Variants in JAZF1 observed in about 807,000 individuals in gnomAD.
JAZF1 encodes the protein JAZF zinc finger 1.
JAZF1 carries 8 observed loss-of-function variants against 26.4 expected under a neutral mutation model. The ratio of observed to expected loss-of-function variants is 0.30; its 90% CI spans 0.18 to 0.55. The LOEUF (loss-of-function observed/expected upper bound fraction) is 0.55, where lower values mean the gene tolerates loss of function less well. Among genes scored for constraint, JAZF1 ranks in the 20% least tolerant of loss-of-function variants. The probability of loss-of-function intolerance (pLI) is 0.94; values close to 1 mark genes in which losing one functional copy is unlikely to be tolerated. For missense variants in JAZF1, 199 were observed against 322.0 expected (o/e 0.62, Z 2.92); for synonymous variants, 126 against 122.3 (o/e 1.03, Z -0.20).
At chr7:27,924,753 T>C (rs1256527453) in intron 2 of JAZF1, among the ~76,000 whole-genome samples, 1 of 152,238 alleles carries the variant, frequency 6.6e-6, no homozygotes, top group Non-Finnish European at 1.5e-5. Context: ...AAAACTTTCT[T>C]CTCATTTTTA....
At chr7:27,980,207 C>T (rs987175087) in intron 2 of JAZF1, among the ~76,000 whole-genome samples, 1 of 152,128 alleles carries the variant, frequency 6.6e-6, no homozygotes, top group African/African-American at 2.4e-5. Flanking sequence ...ACCCAATGCC[C>T]CACTGTGTAC....
chr7:27,864,375 G>GA (rs1258096678), intron 3 of JAZF1, among the ~76,000 whole-genome samples: 1 of 152,116 alleles, frequency 6.6e-6, no homozygotes, highest in African/African-American at 2.4e-5. Flanking sequence ...CACACCCTAG[G>GA]AAAAATCAGT....
At chr7:28,139,623 T>G (rs1246263492) in intron 1 of JAZF1, among the ~76,000 whole-genome samples, 3 of 152,214 alleles carry the variant, frequency 2.0e-5, no homozygotes, top group Non-Finnish European at 4.4e-5. Flanking sequence ...AACACCTTGA[T>G]GCCAACAATT....
At chr7:27,964,865 T>C (rs576302731) in intron 2 of JAZF1, among the ~76,000 whole-genome samples, 1 of 152,206 alleles carries the variant, frequency 6.6e-6, no homozygotes, top group African/African-American at 2.4e-5. Flanking sequence ...ATAAAAGTCA[T>C]TTTAAAAAGA....
At chr7:27,884,134 A>T (rs1352224500) in intron 3 of JAZF1, among the ~76,000 whole-genome samples, 2 of 152,158 alleles carry the variant, frequency 1.3e-5, no homozygotes, top group Non-Finnish European at 2.9e-5. Flanking sequence ...CACACACTGA[A>T]ATGCACAAAT....
chr7:28,090,817 GTTTT>G (rs11367530), intron 1 of JAZF1, among the ~76,000 whole-genome samples: 3 of 101,804 alleles, frequency 2.9e-5, no homozygotes, highest in South Asian at 3.5e-4. Flanking sequence ...TTTTTTAGTT[GTTTT>G]TTTTTTTTTT....
At chr7:27,979,809 G>A (rs1785546041) in intron 2 of JAZF1, among the ~76,000 whole-genome samples, 1 of 151,940 alleles carries the variant, frequency 6.6e-6, no homozygotes, top group African/African-American at 2.4e-5. Flanking sequence ...CTTTCCTATC[G>A]ATTGGAGATG....
chr7:28,163,378 C>T lies in JAZF1; in HGVS notation c.115+17085G>A, dbSNP rs190819699. Among the ~76,000 whole-genome samples the T allele has an allele frequency of 1.7e-3, 260 of 152,236 alleles. 1 individual carries two copies. The highest frequency in any genetic ancestry group is 5.9e-3 in the African/African-American group (244 of 41,532). On this transcript the variant is annotated intron_variant, in intron 1 of 4. Transcript: ENST00000283928. ...TGTCCTTTTCCATCCTCCATGACATCGACTTGGAACTGGGGAAGAGAAGGG... is the reference window on the plus strand; with the variant it reads ...TGTCCTTTTCCATCCTCCATGACATTGACTTGGAACTGGGGAAGAGAAGGG...
At chr7:27,890,672 G>A (rs957138430) in intron 3 of JAZF1, among the ~76,000 whole-genome samples, 2 of 151,640 alleles carry the variant, frequency 1.3e-5, no homozygotes, top group African/African-American at 4.8e-5. Flanking sequence ...TGAGGCTGGT[G>A]TTAAGATTAA....
chr7:27,921,774 G>C (rs578152618), intron 2 of JAZF1, among the ~76,000 whole-genome samples: 1 of 152,200 alleles, frequency 6.6e-6, no homozygotes, highest in African/African-American at 2.4e-5. Flanking sequence ...GCTCAAGCCT[G>C]CAATCCCAGT....
intron 4 of JAZF1, among the ~76,000 whole-genome samples, chr7:27,834,532 A>G (rs1487034766): frequency 6.6e-6 from 1 of 152,192 alleles, no homozygotes; most frequent in African/African-American, 2.4e-5. Flanking sequence ...TCCAGCATCA[A>G]TCCTTTCAAA....
chr7:27,846,678 G>C, intron 3 of JAZF1: 1 of 337,446 alleles, frequency 3.0e-6, no homozygotes, highest in Non-Finnish European at 6.2e-6. Flanking sequence ...CTAGCTCATG[G>C]TGGTTTTGAT....
At chr7:28,100,643 A>G (rs573192090) in intron 1 of JAZF1, among the ~76,000 whole-genome samples, 41 of 152,342 alleles carry the variant, frequency 2.7e-4, no homozygotes, top group Non-Finnish European at 4.9e-4. Context: ...TTAACCCATC[A>G]CAGAAGTGCC....
chr7:28,132,557 G>C (rs543021673), intron 1 of JAZF1, among the ~76,000 whole-genome samples: 1 of 152,264 alleles, frequency 6.6e-6, no homozygotes, highest in East Asian at 1.9e-4. Context: ...GGCAATTGGA[G>C]CTACACATAA....
At chr7:28,137,623 T>C (rs1237119260) in intron 1 of JAZF1, among the ~76,000 whole-genome samples, 1 of 152,174 alleles carries the variant, frequency 6.6e-6, no homozygotes, top group East Asian at 1.9e-4. Context: ...TTCCTCTACG[T>C]ATCCCTGGGA....
At chr7:28,110,821 T>C (rs1784650067) in intron 1 of JAZF1, among the ~76,000 whole-genome samples, 1 of 152,204 alleles carries the variant, frequency 6.6e-6, no homozygotes. Flanking sequence ...CAGGGTAGCA[T>C]GATATCTCAG....
rs540313768 is a variant in JAZF1 at position 28,129,697 on chromosome 7, T to C, written c.115+50766A>G. 4.4e-4 allele frequency among the ~76,000 whole-genome samples: 67 copies of C among 152,282 alleles called. 1 individual carries two copies. In the South Asian group the frequency reaches 0.013, roughly 30 times the overall value. ...TAAGTTTTTAATAAGTAATTTTTTA[T>C]TTTAATAAAAGTTATACATGTTCAT... On this transcript the variant is annotated intron_variant, in intron 1 of 4. Coordinates refer to ENST00000283928, the MANE Select transcript of JAZF1 (RefSeq NM_175061.4).
intron 3 of JAZF1, among the ~76,000 whole-genome samples, chr7:27,885,684 T>C (rs1783848577): frequency 6.6e-6 from 1 of 152,208 alleles, no homozygotes; most frequent in African/African-American, 2.4e-5. Flanking sequence ...CCATTTTTTT[T>C]TTCCTTTGGT....
intron 3 of JAZF1, among the ~76,000 whole-genome samples, chr7:27,891,389 C>T (rs962120643): frequency 6.6e-6 from 1 of 151,968 alleles, no homozygotes; most frequent in Non-Finnish European, 1.5e-5. Context: ...ACTATATGGA[C>T]CTTTATAGAA....
Sources: gnomAD v4.1 joint callset for allele counts (sites outside exome capture counted in the v4.1 genomes callset) on GRCh38, gnomAD v4.1.1 for gene constraint, MANE v1.5 for transcripts, NCBI Gene and HGNC (gene_info 2026-07-23, HGNC 2026-07-21) for gene names.